CDC73: variants seen among roughly 807,000 people sequenced by gnomAD.
CDC73 encodes cell division cycle 73.
Under a neutral mutation model 83.7 loss-of-function variants are expected in CDC73, and 21 were observed. The ratio of observed to expected loss-of-function variants is 0.25; its 90% confidence interval spans 0.18 to 0.36. The LOEUF (loss-of-function observed/expected upper bound fraction) is 0.36. Ranked by LOEUF, CDC73 falls within the 10% of genes least tolerant of loss-of-function variation. The pLI is 1.00. For synonymous variants in CDC73, 224 were observed against 212.9 expected, an observed-to-expected ratio of 1.05 and a Z score of -0.45; for missense variants, 342 against 653.3, an observed-to-expected ratio of 0.52 and a Z score of 5.19.
chr1:193,144,960 C>T (rs1008671508), intron 7 of CDC73, among the ~76,000 whole-genome samples: 9 of 152,056 alleles, frequency 5.9e-5, no homozygotes, highest in African/African-American at 2.2e-4. Context: ...GTCACCATAA[C>T]ACTTTTCTAA....
intron 13 of CDC73, among the ~76,000 whole-genome samples, chr1:193,224,313 G>A (rs1572209696): frequency 6.7e-6 from 1 of 150,130 alleles, no homozygotes; most frequent in East Asian, 1.9e-4. Flanking sequence ...TAATTTGTTA[G>A]TGTTTACTCA....
At chr1:193,249,996 T>C in intron 16 of CDC73, 125 bp downstream of exon 16, 1 of 867,268 alleles carries the variant, frequency 1.2e-6, no homozygotes, top group South Asian at 1.4e-5. Flanking sequence ...ATTAACTTGA[T>C]GCTTATCTTC....
At position 193,129,541 on chromosome 1, in the gene CDC73, A is replaced by G. The variant is rs551130984; in HGVS notation, c.238-633A>G. Among the ~76,000 whole-genome samples, 335 of 121,790 alleles carry G rather than the reference A, an allele frequency of 2.8e-3. 2 individuals are homozygous for G. Among genetic ancestry groups the G allele is most frequent in the African/African-American group, 9.1e-3 (304 of 33,520 alleles). 79.9% of individuals were successfully genotyped at this position (121,790 alleles called of 152,430 possible). A position where few individuals can be genotyped will look rare whatever the true frequency, so the allele number is the denominator to read the frequency against. Reference sequence around the variant, plus strand: ...ATTTATTTAGAGACGGAATCTCTCTATGTTGCCCAGGCCGGAGTGCAGTGG... The same window carrying G: ...ATTTATTTAGAGACGGAATCTCTCTGTGTTGCCCAGGCCGGAGTGCAGTGG... On this transcript the variant is annotated intron_variant, in intron 2 of 16. Transcript: ENST00000367435.
chr1:193,159,516 G>A (rs551555569), intron 10 of CDC73, among the ~76,000 whole-genome samples: 16 of 151,996 alleles, frequency 1.1e-4, no homozygotes, highest in East Asian at 5.8e-4. Flanking sequence ...GATTACAGGC[G>A]TGCACCACCA....
intron 13 of CDC73, among the ~76,000 whole-genome samples, chr1:193,226,426 C>T (rs913847278): frequency 4.6e-5 from 7 of 152,098 alleles, no homozygotes; most frequent in Admixed American, 2.6e-4. Flanking sequence ...TTAAACTTTT[C>T]CCCATTCAGA....
chr1:193,137,472 A>G (rs1337864713), intron 5 of CDC73, among the ~76,000 whole-genome samples: 3 of 152,186 alleles, frequency 2.0e-5, no homozygotes, highest in African/African-American at 7.2e-5. Context: ...TTTGTTTTTA[A>G]CCAACAGCTT....
intron 5 of CDC73, among the ~76,000 whole-genome samples, chr1:193,136,740 T>C (rs1003289582): frequency 5.9e-5 from 9 of 152,252 alleles, no homozygotes; most frequent in African/African-American, 2.2e-4. Flanking sequence ...GTAAACAATG[T>C]GTATGAATTT....
At chr1:193,196,303 C>A (rs549137962) in intron 10 of CDC73, among the ~76,000 whole-genome samples, 9 of 152,128 alleles carry the variant, frequency 5.9e-5, no homozygotes, top group Non-Finnish European at 1.3e-4. Flanking sequence ...TGACCATATA[C>A]GTGTGAGGTT....
Position 193,233,109 on chromosome 1 carries a change from C to T in CDC73, c.1271C>T (p.Pro424Leu). Residue 424 changes from proline to leucine, a missense_variant, in exon 14 of 17, where the codon CCT (proline) becomes CTT (leucine). Pro to Leu is a moderately conservative substitution (Grantham distance 98). Around this residue, in one of 3 missense-constraint regions of CDC73, gnomAD observed 239 missense variants for 420.6 expected, o/e 0.57. Transcript: ENST00000367435. Reference sequence around the variant, plus strand: ...GGCACTGCAATTAGTGTTACAGTACCTTATAGAGTAGTAGACCAGCCCCTT... The same window carrying T: ...GGCACTGCAATTAGTGTTACAGTACTTTATAGAGTAGTAGACCAGCCCCTT... ...PGGTAISVTV[P>L]YRVVDQPLKL... 1 of 1,613,562 alleles carries T rather than the reference C, an allele frequency of 6.2e-7. No individual in the cohort carries two copies. Among genetic ancestry groups the T allele is most frequent in the Non-Finnish European group, 8.5e-7 (1 of 1,179,550 alleles).
At chr1:193,181,114 C>A in intron 10 of CDC73, 1 of 1,613,994 alleles carries the variant, frequency 6.2e-7, no homozygotes, top group South Asian at 1.1e-5. Flanking sequence ...TAAAAAAGGA[C>A]TTTTCTCTTG....
At chr1:193,177,591 G>T (rs1676631261) in intron 10 of CDC73, among the ~76,000 whole-genome samples, 1 of 151,344 alleles carries the variant, frequency 6.6e-6, no homozygotes, top group Non-Finnish European at 1.5e-5. Flanking sequence ...TACTAGCTGT[G>T]TGATCTTAGG....
chr1:193,249,597 T>G, intron 15 of CDC73, 133 bp from the exon 16 acceptor site: 2 of 715,140 alleles, frequency 2.8e-6, no homozygotes, highest in Admixed American at 2.4e-5. Context: ...GTATAAACCC[T>G]GAATGTTTTT....
chr1:193,170,518 A>G (rs1481225209), intron 10 of CDC73, among the ~76,000 whole-genome samples: 4 of 152,062 alleles, frequency 2.6e-5, no homozygotes, highest in Non-Finnish European at 4.4e-5. Flanking sequence ...TTTGATTTCC[A>G]TTTCTCTAAT....
chr1:193,252,867 A>C lies in CDC73; in HGVS notation c.*2155A>C, dbSNP rs1259579200. The C allele has an allele frequency of 4.3e-6, 1 of 231,818 alleles. No individual in the cohort carries two copies. The highest frequency in any genetic ancestry group is 2.2e-5 in the African/African-American group (1 of 45,294). 14.4% of individuals were successfully genotyped at this position (231,818 alleles called of 1,614,324 possible). A position where few individuals can be genotyped will look rare whatever the true frequency, so the allele number is the denominator to read the frequency against. On this transcript the variant is annotated 3_prime_UTR_variant, in exon 17 of 17. Coordinates refer to ENST00000367435, the MANE Select transcript of CDC73 (RefSeq NM_024529.5). ...CATTCAGTAAATACTTACATGCATGAATGAATAATGTATTTTCAGTGTAAC... is the reference window on the plus strand; with the variant it reads ...CATTCAGTAAATACTTACATGCATGCATGAATAATGTATTTTCAGTGTAAC...
intron 15 of CDC73, among the ~76,000 whole-genome samples, chr1:193,237,578 C>G (rs1333740014): frequency 1.3e-5 from 2 of 152,112 alleles, no homozygotes; most frequent in African/African-American, 4.8e-5. Flanking sequence ...CTTTAATCAA[C>G]TGCAGGAGTC....
At chr1:193,173,758 C>T (rs1310478835) in intron 10 of CDC73, among the ~76,000 whole-genome samples, 1 of 151,870 alleles carries the variant, frequency 6.6e-6, no homozygotes, top group Non-Finnish European at 1.5e-5. Context: ...AAGATAAAAC[C>T]AATTGTATTT....
intron 2 of CDC73, 98 bp downstream of exon 2, chr1:193,125,315 G>A: frequency 1.3e-6 from 1 of 766,166 alleles, no homozygotes; most frequent in Non-Finnish European, 2.3e-6. Context: ...CTAGGGTGCA[G>A]TGGTGTGATC....
At chr1:193,177,719 A>G (rs1041545137) in intron 10 of CDC73, among the ~76,000 whole-genome samples, 1 of 152,142 alleles carries the variant, frequency 6.6e-6, no homozygotes, top group African/African-American at 2.4e-5. Context: ...CAATCAGTAA[A>G]TAGTTTCTAC....
intron 10 of CDC73, among the ~76,000 whole-genome samples, chr1:193,164,276 T>C (rs1035583882): frequency 4.6e-5 from 7 of 152,188 alleles, no homozygotes; most frequent in African/African-American, 1.7e-4. Context: ...TGAACAGCAG[T>C]GTGGAGGTTT....
Sources: gnomAD v4.1 joint callset for allele counts (sites outside exome capture counted in the v4.1 genomes callset) on GRCh38, gnomAD v4.1.1 for gene constraint, gnomAD v4.1.1 regional missense constraint, MANE v1.5 for transcripts, NCBI Gene and HGNC (gene_info 2026-07-23, HGNC 2026-07-21) for gene names.